MAGI3: variants seen among roughly 807,000 people sequenced by gnomAD.
The protein encoded by MAGI3 is membrane associated guanylate kinase, WW and PDZ domain containing 3, also known as membrane-associated guanylate kinase, WW and PDZ domain-containing protein 3.
Under a neutral mutation model 121.8 loss-of-function variants are expected in MAGI3, and 43 were observed. The observed-to-expected ratio is 0.35, with a 90% CI of 0.28 to 0.46. MAGI3 has a LOEUF of 0.46. Among genes scored for constraint, MAGI3 ranks in the 20% least tolerant of loss-of-function variants. The probability of loss-of-function intolerance (pLI) is 1.00; values close to 1 mark genes in which losing one functional copy is unlikely to be tolerated. For missense variants in MAGI3, 1,547 were observed against 1,797.3 expected (o/e 0.86, Z 2.52); for synonymous variants, 553 against 639.3 (o/e 0.86, Z 2.04).
intron 6 of MAGI3, among the ~76,000 whole-genome samples, chr1:113,605,601 C>T (rs1570932890): frequency 6.6e-6 from 1 of 152,032 alleles, no homozygotes; most frequent in Non-Finnish European, 1.5e-5. Flanking sequence ...AACAAGCACT[C>T]GATTTTTTTT....
At chr1:113,503,628 T>C (rs1285778672) in intron 1 of MAGI3, among the ~76,000 whole-genome samples, 1 of 152,152 alleles carries the variant, frequency 6.6e-6, no homozygotes, top group African/African-American at 2.4e-5. Flanking sequence ...TTTATCTTTT[T>C]ATTTCCAATA....
chr1:113,449,222 G>A (rs938822906), intron 1 of MAGI3, among the ~76,000 whole-genome samples: 1 of 152,100 alleles, frequency 6.6e-6, no homozygotes, highest in Non-Finnish European at 1.5e-5. Context: ...AAGCAAAATA[G>A]ATAAGAAGTT....
intron 1 of MAGI3, among the ~76,000 whole-genome samples, chr1:113,525,786 G>C (rs538834608): frequency 6.6e-6 from 1 of 152,120 alleles, no homozygotes; most frequent in East Asian, 1.9e-4. Context: ...GGCAGATCAC[G>C]AGGTCAGGAG....
intron 1 of MAGI3, among the ~76,000 whole-genome samples, chr1:113,457,365 A>G (rs569696543): frequency 2.0e-5 from 3 of 152,296 alleles, no homozygotes; most frequent in East Asian, 1.9e-4. Context: ...ACAATTTCCC[A>G]TTTGACCCTT....
Position 113,683,379 on chromosome 1 carries a change from A to G in MAGI3, c.3811A>G (p.Arg1271Gly). 1 of 1,614,022 alleles carries G rather than the reference A, an allele frequency of 6.2e-7. No individual in the cohort carries two copies. The highest frequency in any genetic ancestry group is 1.6e-4 in the Middle Eastern group (1 of 6,062). ...AAATAAAAGTTGTCAGGTCAGCACC[A>G]GGGCAGGCTCTGGACAAGATCAGTG... is the stretch of plus-strand genomic sequence containing the variant. Reference protein sequence around the residue: ...GENKSCQVSTRAGSGQDQCRK... With the variant: ...GENKSCQVSTGAGSGQDQCRK... The change falls in exon 21 of 21, where the codon AGG becomes GGG. Residue 1271 changes from arginine to glycine, a missense_variant. Arg to Gly is a moderately radical substitution (Grantham distance 125). Coordinates refer to ENST00000307546, the MANE Select transcript of MAGI3 (RefSeq NM_001142782.2).
intron 1 of MAGI3, among the ~76,000 whole-genome samples, chr1:113,429,221 A>G (rs1653175349): frequency 6.6e-6 from 1 of 152,232 alleles, no homozygotes; most frequent in Non-Finnish European, 1.5e-5. Flanking sequence ...ACAGTTTACT[A>G]CTGTTTACAT....
rs566302549 is a variant in MAGI3, at chr1:113,681,419, A to G, written c.3328+83A>G. 4 of 1,449,834 alleles carry G rather than the reference A, an allele frequency of 2.8e-6. No homozygotes were observed. The Admixed American group carries it at 9.2e-5, about 33-fold the overall frequency. The allele number at this position is 1,449,834 out of a possible 1,614,324, so 89.8% of individuals were successfully genotyped here. On this transcript the variant is annotated intron_variant, in intron 20 of 20. Coordinates refer to ENST00000307546, the MANE Select transcript of MAGI3 (RefSeq NM_001142782.2). The stretch of plus-strand genomic sequence containing the variant: ...AAAAAGGAATATATATTTGGAGAGG[A>G]TAGATATTTTACTAGTTAATTCAGA...
intron 2 of MAGI3, among the ~76,000 whole-genome samples, chr1:113,575,708 G>A (rs933420452): frequency 6.6e-6 from 1 of 152,226 alleles, no homozygotes; most frequent in Non-Finnish European, 1.5e-5. Flanking sequence ...CCTTAGCAGA[G>A]CTTGAGCAGT....
At chr1:113,669,189 ATACT>A (rs1647367882) in intron 16 of MAGI3, among the ~76,000 whole-genome samples, 1 of 152,236 alleles carries the variant, frequency 6.6e-6, no homozygotes, top group African/African-American at 2.4e-5. Flanking sequence ...ATCGAACTCT[ATACT>A]GGGCAGTAAA....
chr1:113,581,628 A>G (rs1309818801), intron 3 of MAGI3, among the ~76,000 whole-genome samples: 1 of 152,036 alleles, frequency 6.6e-6, no homozygotes, highest in African/African-American at 2.4e-5. Flanking sequence ...TGTGTGGACT[A>G]TTGCTGTTGA....
At chr1:113,560,543 G>A (rs942528324) in intron 2 of MAGI3, among the ~76,000 whole-genome samples, 2 of 152,138 alleles carry the variant, frequency 1.3e-5, no homozygotes, top group Non-Finnish European at 2.9e-5. Context: ...AATTAAGACA[G>A]AAATCAAGAA....
chr1:113,529,639 G>A (rs1216772653), intron 1 of MAGI3, among the ~76,000 whole-genome samples: 1 of 152,092 alleles, frequency 6.6e-6, no homozygotes, highest in Non-Finnish European at 1.5e-5. Flanking sequence ...TATACTGGAT[G>A]TATCATCTTG....
intron 1 of MAGI3, among the ~76,000 whole-genome samples, chr1:113,516,934 G>A (rs775452483): frequency 9.2e-5 from 14 of 151,862 alleles, no homozygotes; most frequent in Non-Finnish European, 1.8e-4. Flanking sequence ...CAGTCTCATC[G>A]TGAGAAAAAC....
At chr1:113,678,569 A>C (rs1388959386) in intron 19 of MAGI3, among the ~76,000 whole-genome samples, 1 of 152,212 alleles carries the variant, frequency 6.6e-6, no homozygotes, top group Admixed American at 6.5e-5. Flanking sequence ...AGTCTATTTC[A>C]TAGTTGACTT....
intron 1 of MAGI3, among the ~76,000 whole-genome samples, chr1:113,479,881 T>A (rs1382589572): frequency 6.6e-6 from 1 of 152,156 alleles, no homozygotes; most frequent in Non-Finnish European, 1.5e-5. Flanking sequence ...TGTCGAAAGC[T>A]CTCTATGGAA....
intron 2 of MAGI3, among the ~76,000 whole-genome samples, chr1:113,550,342 G>C (rs1463565449): frequency 1.3e-5 from 2 of 151,970 alleles, no homozygotes; most frequent in Non-Finnish European, 2.9e-5. Flanking sequence ...CGTGAACCCG[G>C]GAGGCGGAGC....
At chr1:113,406,325 G>A (rs187403314) in intron 1 of MAGI3, among the ~76,000 whole-genome samples, 2 of 149,798 alleles carry the variant, frequency 1.3e-5, no homozygotes, top group Admixed American at 1.3e-4. Context: ...GCACGTGCCT[G>A]TAGTTCCAGC....
rs375352042 is a variant in MAGI3 at position 113,476,012 on chromosome 1, C to T, written c.317-73503C>T. ...TCTTCTAGATTTTCTAGTTTATTTG[C>T]GTAGAGGTGTTTGTAGTATTCTCTG... On this transcript the variant is annotated intron_variant, in intron 1 of 20. Coordinates refer to ENST00000307546, the MANE Select transcript of MAGI3 (RefSeq NM_001142782.2). Among the ~76,000 whole-genome samples the T allele has an allele frequency of 6.6e-5, 10 of 152,206 alleles. No individual in the cohort carries two copies. In the South Asian group the frequency reaches 1.7e-3, roughly 25 times the overall value.
chr1:113,685,383 C>A lies in MAGI3; in HGVS notation c.*1369C>A, dbSNP rs1648483628. ...CTATTTTATGGAGTGTGTGAACACA[C>A]TTGTTCTGTCACCTGGGTTCATCTT... On this transcript the variant is annotated 3_prime_UTR_variant, in exon 21 of 21. Coordinates refer to ENST00000307546, the MANE Select transcript of MAGI3 (RefSeq NM_001142782.2). 1 of 152,340 alleles carries A rather than the reference C, an allele frequency of 6.6e-6. No homozygotes were observed. Among genetic ancestry groups the A allele is most frequent in the Admixed American group, 6.5e-5 (1 of 15,286 alleles). 9.4% of individuals were successfully genotyped at this position (152,340 alleles called of 1,614,324 possible). A position where few individuals can be genotyped will look rare whatever the true frequency, so the allele number is the denominator to read the frequency against.
Sources: gnomAD v4.1 joint callset for allele counts (sites outside exome capture counted in the v4.1 genomes callset) on GRCh38, gnomAD v4.1.1 for gene constraint, MANE v1.5 for transcripts, NCBI Gene and HGNC (gene_info 2026-07-23, HGNC 2026-07-21) for gene names.